The following UGT1A7 variants were observed in gnomAD, a reference collection of about 807,000 sequenced individuals.
UGT1A7 encodes the protein UDP-glucuronosyltransferase 1A7.
UGT1A7 carries 33 observed loss-of-function variants against 45.6 expected under a neutral mutation model. The observed-to-expected ratio is 0.72, with a 90% CI of 0.55 to 0.97. The LOEUF (loss-of-function observed/expected upper bound fraction) is 0.97. UGT1A7 is among the 50% of genes least tolerant of loss of function. The pLI is 0.00. For missense variants in UGT1A7, 684 were observed against 666.2 expected, an observed-to-expected ratio of 1.03 and a Z score of -0.29; for synonymous variants, 274 against 250.6, an observed-to-expected ratio of 1.09 and a Z score of -0.88.
intron 1 of UGT1A7, chr2:233,729,195 G>C: frequency 6.2e-7 from 1 of 1,614,030 alleles, no homozygotes; most frequent in Non-Finnish European, 8.5e-7. Context: ...TCAGTGTCCA[G>C]CCCTGGGCTG....
intron 1 of UGT1A7, chr2:233,690,553 C>G: frequency 1.6e-6 from 2 of 1,289,576 alleles, no homozygotes; most frequent in Non-Finnish European, 2.0e-6. Context: ...GAATATGTCC[C>G]AAGCCTGAGT....
chr2:233,755,320 T>A, intron 1 of UGT1A7: 1 of 508,264 alleles, frequency 2.0e-6, no homozygotes, highest in Non-Finnish European at 3.2e-6. Context: ...GCGGCAAGGC[T>A]GCCAGCACCC....
At chr2:233,698,470 T>A (rs1004128729) in intron 1 of UGT1A7, among the ~76,000 whole-genome samples, 3 of 152,212 alleles carry the variant, frequency 2.0e-5, no homozygotes, top group Non-Finnish European at 4.4e-5. Context: ...AAGCCCTGAT[T>A]TATAGCTTAA....
At chr2:233,708,901 G>C (rs945780611) in intron 1 of UGT1A7, among the ~76,000 whole-genome samples, 1 of 152,086 alleles carries the variant, frequency 6.6e-6, no homozygotes, top group Admixed American at 6.6e-5. Context: ...GGGGCTATCT[G>C]GTTAGGTATT....
intron 2 of UGT1A7, 103 bp downstream of exon 2, chr2:233,767,268 G>C: frequency 6.3e-7 from 1 of 1,584,094 alleles, no homozygotes; most frequent in Non-Finnish European, 8.5e-7. Flanking sequence ...CCTTAGATTT[G>C]GCTTTTCCCT....
rs567044237 is a variant in UGT1A7 at position 233,708,043 on chromosome 2, C to A, written c.855+25251C>A. 5.3e-5 allele frequency among the ~76,000 whole-genome samples: 8 copies of A among 152,266 alleles called. No homozygotes were observed. In the East Asian group the frequency reaches 1.5e-3, roughly 29 times the overall value. Reference sequence around the variant, plus strand: ...AGTTCTTTGGCAGTTATAGATATTGCAAATATCTTCCCCCACTCTGCATCT... The same window carrying A: ...AGTTCTTTGGCAGTTATAGATATTGAAAATATCTTCCCCCACTCTGCATCT... On this transcript the variant is annotated intron_variant, in intron 1 of 4. Transcript: ENST00000373426.
At chr2:233,690,523 C>G (rs1440582622) in intron 1 of UGT1A7, 1 of 1,289,714 alleles carries the variant, frequency 7.8e-7, no homozygotes, top group Non-Finnish European at 1.0e-6. Flanking sequence ...ATCTTAGGAT[C>G]TACTTCTTTC....
chr2:233,762,689 A>G (rs1362623162), intron 1 of UGT1A7, among the ~76,000 whole-genome samples: 1 of 148,448 alleles, frequency 6.7e-6, no homozygotes, highest in Non-Finnish European at 1.5e-5. Context: ...TTTCTTTCTC[A>G]TTCATCTTTT....
chr2:233,768,231 A>T lies in UGT1A7; in HGVS notation c.1087A>T (p.Thr363Ser). ...PQNDLLGHPM[T>S]RAFITHAGSH... ...ATTTTGCATCTCAGGTCACCCGATG[A>T]CCCGTGCCTTTATCACCCATGCTGG... The change falls in exon 4 of 5, where the codon ACC (threonine) becomes TCC (serine). Residue 363 changes from threonine to serine, a missense_variant. Physicochemically the swap from Thr to Ser is moderately conservative, Grantham distance 58. Coordinates refer to ENST00000373426, the MANE Select transcript of UGT1A7 (RefSeq NM_019077.3). 1 of 1,614,162 alleles carries T rather than the reference A, an allele frequency of 6.2e-7. No individual in the cohort carries two copies. Among genetic ancestry groups the T allele is most frequent in the Middle Eastern group, 1.6e-4 (1 of 6,062 alleles).
Position 233,724,346 on chromosome 2 carries a change from C to G in UGT1A7, c.855+41554C>G, listed in dbSNP as rs1441595042. On this transcript the variant is annotated intron_variant, in intron 1 of 4. Coordinates refer to ENST00000373426, the MANE Select transcript of UGT1A7 (RefSeq NM_019077.3). ...CTGGCCAGGCGGGGGGCTGACCCCC[C>G]CCACCTCCCTCCCGGACGGGGTGGC... 6.3e-4 allele frequency among the ~76,000 whole-genome samples: 93 copies of G among 148,184 alleles called. 1 individual carries two copies. The highest frequency in any genetic ancestry group is 1.0e-3 in the Non-Finnish European group (69 of 66,790).
At chr2:233,710,235 C>T (rs1034132814) in intron 1 of UGT1A7, among the ~76,000 whole-genome samples, 2 of 152,122 alleles carry the variant, frequency 1.3e-5, no homozygotes, top group African/African-American at 2.4e-5. Flanking sequence ...TATGACTATT[C>T]GAGTACGAGT....
intron 1 of UGT1A7, chr2:233,730,082 T>C (rs1479796808): frequency 2.1e-5 from 33 of 1,603,816 alleles, no homozygotes; most frequent in Non-Finnish European, 2.4e-5. Flanking sequence ...CCATATTTAC[T>C]TATCTTTCCA....
chr2:233,770,903 T>C (rs35203651), intron 4 of UGT1A7: 14,100 of 152,250 alleles, frequency 0.093, 767 homozygotes, highest in South Asian at 0.16. Flanking sequence ...CTGCAGGCTG[T>C]ACAGGAAGCT....
At chr2:233,704,941 G>C (rs188324703) in intron 1 of UGT1A7, among the ~76,000 whole-genome samples, 1 of 152,254 alleles carries the variant, frequency 6.6e-6, no homozygotes, top group East Asian at 1.9e-4. Context: ...ATCAAGACCA[G>C]CCTGGCCAAC....
chr2:233,772,348 T>C lies in UGT1A7; in HGVS notation c.1382T>C (p.Phe461Ser). ...PLDLAVFWVE[F>S]VMRHKGAPHL... Reference sequence around the variant, plus strand: ...GACCTGGCCGTGTTCTGGGTGGAGTTTGTGATGAGGCACAAGGGCGCGCCA... The same window carrying C: ...GACCTGGCCGTGTTCTGGGTGGAGTCTGTGATGAGGCACAAGGGCGCGCCA... Residue 461 changes from phenylalanine (F) to serine (S), a missense_variant, in exon 5 of 5, where the codon TTT becomes TCT. Physicochemically the swap from Phe to Ser is radical, Grantham distance 155. Transcript: ENST00000373426. 3 of 1,614,234 alleles carry C rather than the reference T, an allele frequency of 1.9e-6. No individual in the cohort carries two copies. In the South Asian group the frequency reaches 3.3e-5, roughly 18 times the overall value.
chr2:233,753,704 T>C (rs1413802728), intron 1 of UGT1A7: 3 of 152,228 alleles, frequency 2.0e-5, no homozygotes, highest in Non-Finnish European at 4.4e-5. Flanking sequence ...TGCACTTGGC[T>C]TTCATCAACC....
At chr2:233,744,237 T>A (rs1220461600) in intron 1 of UGT1A7, among the ~76,000 whole-genome samples, 1 of 151,784 alleles carries the variant, frequency 6.6e-6, no homozygotes, top group African/African-American at 2.4e-5. Context: ...GGGCCTTGAC[T>A]TTGGCTGCCT....
At position 233,736,787 on chromosome 2, in the gene UGT1A7, G is replaced by T. The variant is rs564924553; in HGVS notation, c.856-30247G>T. Reference sequence around the variant, plus strand: ...TAACAGTCAGATCCCTCAGCTGCAGGTCTGTTGGAGTTTGCTGGAGGTCCA... The same window carrying T: ...TAACAGTCAGATCCCTCAGCTGCAGTTCTGTTGGAGTTTGCTGGAGGTCCA... On this transcript the variant is annotated intron_variant, in intron 1 of 4. Coordinates refer to ENST00000373426, the MANE Select transcript of UGT1A7 (RefSeq NM_019077.3). Among the ~76,000 whole-genome samples the T allele has an allele frequency of 1.5e-3, 227 of 152,276 alleles. 2 individuals carry two copies. The highest frequency in any genetic ancestry group is 5.1e-3 in the African/African-American group (213 of 41,548).
At chr2:233,717,997 G>T in intron 1 of UGT1A7, 2 of 419,518 alleles carry the variant, frequency 4.8e-6, no homozygotes, top group South Asian at 3.4e-5. Context: ...GACTGTGCAA[G>T]ATCTGAGGCC....
Sources: gnomAD v4.1 joint callset for allele counts (sites outside exome capture counted in the v4.1 genomes callset) on GRCh38, gnomAD v4.1.1 for gene constraint, MANE v1.5 for transcripts, NCBI Gene and HGNC (gene_info 2026-07-23, HGNC 2026-07-21) for gene names.